FSTL4: variants seen among roughly 807,000 people sequenced by gnomAD.
FSTL4 encodes the protein follistatin like 4.
FSTL4 carries 28 observed loss-of-function variants against 78.2 expected under a neutral mutation model. The ratio of observed to expected loss-of-function variants is 0.36; its 90% confidence interval spans 0.27 to 0.49. The LOEUF (loss-of-function observed/expected upper bound fraction) is 0.49, where lower values mean the gene tolerates loss of function less well. Among genes scored for constraint, FSTL4 ranks in the 20% least tolerant of loss-of-function variants. FSTL4 has a pLI of 0.98. For missense variants in FSTL4, 922 were observed against 1,084.9 expected, an observed-to-expected ratio of 0.85 and a Z score of 2.11; for synonymous variants, 422 against 440.5, an observed-to-expected ratio of 0.96 and a Z score of 0.53.
chr5:133,723,185 A>G, the FSTL4 span, among the ~76,000 whole-genome samples: 1 of 152,172 alleles, frequency 6.6e-6, no homozygotes, highest in Non-Finnish European at 1.5e-5. Flanking sequence ...ACAAGTGGAT[A>G]CAGTTCTTCC....
intron 4 of FSTL4, among the ~76,000 whole-genome samples, chr5:133,346,647 C>T (rs1022081532): frequency 1.3e-5 from 2 of 152,084 alleles, no homozygotes; most frequent in African/African-American, 2.4e-5. Flanking sequence ...CTCAGTGGGT[C>T]ATTCTTTTTG....
At chr5:133,644,228 C>G in the FSTL4 span, among the ~76,000 whole-genome samples, 2 of 152,172 alleles carry the variant, frequency 1.3e-5, no homozygotes, top group East Asian at 3.9e-4. Context: ...TCCGAGCTTG[C>G]AGCTGTGCTA....
At chr5:133,553,061 CT>C (rs1253473813) in intron 3 of FSTL4, among the ~76,000 whole-genome samples, 1 of 152,172 alleles carries the variant, frequency 6.6e-6, no homozygotes, top group African/African-American at 2.4e-5. Context: ...TACTTAGTCT[CT>C]TGCCATCAGG....
chr5:133,614,148 A>T (rs1276249817), upstream of FSTL4, among the ~76,000 whole-genome samples: 1 of 152,240 alleles, frequency 6.6e-6, no homozygotes, highest in Non-Finnish European at 1.5e-5. Flanking sequence ...CCTCTAAGAC[A>T]TGAGGTATTT....
chr5:133,224,295 G>T, intron 10 of FSTL4, 79 bp from the exon 11 acceptor site: 2 of 1,045,074 alleles, frequency 1.9e-6, no homozygotes, highest in Admixed American at 1.8e-5. Context: ...AACCGTCACT[G>T]CAGTGATTCC....
At chr5:133,432,776 G>A (rs1756966314) in intron 3 of FSTL4, among the ~76,000 whole-genome samples, 2 of 152,148 alleles carry the variant, frequency 1.3e-5, no homozygotes, top group Admixed American at 1.3e-4. Context: ...CACTCACTTG[G>A]TAACTGACTG....
chr5:133,787,045 T>C, the FSTL4 span, among the ~76,000 whole-genome samples: 1,765 of 152,260 alleles, frequency 0.012, 43 homozygotes, highest in African/African-American at 0.04. Context: ...CACCACCCTG[T>C]ACTCCTAGGT....
At chr5:133,465,568 T>G (rs1757690050) in intron 3 of FSTL4, among the ~76,000 whole-genome samples, 2 of 152,060 alleles carry the variant, frequency 1.3e-5, no homozygotes, top group African/African-American at 4.8e-5. Flanking sequence ...TAGTCCTGGG[T>G]GGGTGACCCA....
intron 6 of FSTL4, among the ~76,000 whole-genome samples, chr5:133,291,937 A>T (rs1753272775): frequency 6.6e-6 from 1 of 152,226 alleles, no homozygotes; most frequent in Non-Finnish European, 1.5e-5. Flanking sequence ...CTGCGATTTC[A>T]GACCTAAGCC....
the FSTL4 span, among the ~76,000 whole-genome samples, chr5:133,829,372 T>A: frequency 1.4e-5 from 2 of 146,600 alleles, no homozygotes; most frequent in African/African-American, 5.1e-5. Context: ...GGCAACAGAG[T>A]GAGACTCTGT....
chr5:133,318,176 G>T (rs1246085249), intron 4 of FSTL4, among the ~76,000 whole-genome samples: 1 of 152,110 alleles, frequency 6.6e-6, no homozygotes, highest in African/African-American at 2.4e-5. Context: ...TGCTCTCTGG[G>T]AGTCTTCATG....
At chr5:133,699,370 A>G in the FSTL4 span, among the ~76,000 whole-genome samples, 2 of 152,240 alleles carry the variant, frequency 1.3e-5, no homozygotes, top group South Asian at 2.1e-4. Flanking sequence ...GACCATTTGC[A>G]TCAAAAACCA....
At chr5:133,264,912 A>G (rs1181013226) in intron 6 of FSTL4, among the ~76,000 whole-genome samples, 1 of 152,206 alleles carries the variant, frequency 6.6e-6, no homozygotes, top group African/African-American at 2.4e-5. Context: ...GCACAGGCAG[A>G]GGCTGCCAGC....
intron 3 of FSTL4, among the ~76,000 whole-genome samples, chr5:133,562,643 G>C (rs1430645400): frequency 1.3e-5 from 2 of 152,166 alleles, no homozygotes; most frequent in Non-Finnish European, 2.9e-5. Context: ...GACAGGGCTG[G>C]AACATGTGCG....
rs1432264336 is a variant in FSTL4, at chr5:133,316,602, C to T, written c.460G>A (p.Ala154Thr). Reference sequence around the variant, plus strand: ...AGTGGCTGCAGACGGGTCTGGAGTGCCAGAAGGACATTCTTCAAGCGGGCG... The same window carrying T: ...AGTGGCTGCAGACGGGTCTGGAGTGTCAGAAGGACATTCTTCAAGCGGGCG... ...GYARLKNVLL[A>T]LQTRLQPLQE... The change falls in exon 5 of 16, where the codon GCA (alanine) becomes ACA (threonine). Residue 154 changes from alanine to threonine, a missense_variant. Ala to Thr is a moderately conservative substitution (Grantham distance 58, BLOSUM62 0). Coordinates refer to ENST00000265342, the MANE Select transcript of FSTL4 (RefSeq NM_015082.2). 1.2e-6 allele frequency: 2 copies of T among 1,613,930 alleles called. No individual in the cohort carries two copies. The highest frequency in any genetic ancestry group is 1.3e-5 in the African/African-American group (1 of 75,024).
intron 4 of FSTL4, among the ~76,000 whole-genome samples, chr5:133,331,139 C>A (rs1447764533): frequency 1.3e-5 from 2 of 152,198 alleles, no homozygotes; most frequent in African/African-American, 4.8e-5. Flanking sequence ...GAAAGCAGCC[C>A]CGCATAGGTC....
At chr5:133,822,319 T>A in the FSTL4 span, among the ~76,000 whole-genome samples, 1 of 152,200 alleles carries the variant, frequency 6.6e-6, no homozygotes, top group Non-Finnish European at 1.5e-5. Context: ...AGACCTCAAT[T>A]TATATGCAGC....
intron 2 of FSTL4, among the ~76,000 whole-genome samples, chr5:133,572,736 C>A (rs998633622): frequency 4.0e-5 from 6 of 151,760 alleles, no homozygotes; most frequent in Admixed American, 3.3e-4. Context: ...TAAAAAAGAT[C>A]AGGAGGTCAA....
At chr5:133,659,682 C>T in the FSTL4 span, among the ~76,000 whole-genome samples, 8 of 151,620 alleles carry the variant, frequency 5.3e-5, no homozygotes, top group Admixed American at 2.6e-4. Flanking sequence ...TCCACATCTT[C>T]TTCTTCCCCT....
Sources: allele counts gnomAD v4.1 joint callset (sites outside exome capture counted in the v4.1 genomes callset), GRCh38; gene constraint gnomAD v4.1.1; transcripts MANE v1.5; gene names NCBI Gene and HGNC (gene_info 2026-07-23, HGNC 2026-07-21).